The following TRAPPC9 variants were observed in gnomAD, a reference collection of about 807,000 sequenced individuals.
TRAPPC9 encodes trafficking protein particle complex subunit 9.
TRAPPC9 carries 83 observed loss-of-function variants against 124.0 expected under a neutral mutation model. The observed-to-expected ratio is 0.67, with a 90% CI of 0.56 to 0.80. The LOEUF (loss-of-function observed/expected upper bound fraction) is 0.80, where lower values mean the gene tolerates loss of function less well. Ranked by LOEUF, TRAPPC9 falls within the 30% of genes least tolerant of loss-of-function variation. The pLI, the probability that TRAPPC9 is intolerant of heterozygous loss-of-function variation, is 0.00. For missense variants in TRAPPC9, 1,302 were observed against 1,508.3 expected (o/e 0.86, Z 2.27); for synonymous variants, 638 against 617.5 (o/e 1.03, Z -0.49).
chr8:140,352,045 T>G (rs2067599779), intron 9 of TRAPPC9, among the ~76,000 whole-genome samples: 1 of 151,994 alleles, frequency 6.6e-6, no homozygotes, highest in Non-Finnish European at 1.5e-5. Flanking sequence ...ATTCCCCCAG[T>G]CCTAAGAAAG....
At chr8:139,963,749 C>CAAAAAA (rs58224556) in intron 19 of TRAPPC9, among the ~76,000 whole-genome samples, 11 of 107,346 alleles carry the variant, frequency 1.0e-4, no homozygotes, top group South Asian at 3.3e-4. Flanking sequence ...CCAGTTCTAC[C>CAAAAAA]AAAAAAAAAA....
intron 18 of TRAPPC9, among the ~76,000 whole-genome samples, chr8:139,991,431 C>G (rs188382828): frequency 6.6e-6 from 1 of 152,136 alleles, no homozygotes; most frequent in Non-Finnish European, 1.5e-5. Flanking sequence ...GGCTTCCTAT[C>G]TGTGAATAAG....
At position 139,870,749 on chromosome 8, in the gene TRAPPC9, C is replaced by A. The variant is rs144240110; in HGVS notation, c.3055+15130G>T. Among the ~76,000 whole-genome samples the A allele has an allele frequency of 5.3e-5, 8 of 152,304 alleles. No individual in the cohort carries two copies. The East Asian group carries it at 1.5e-3, about 29-fold the overall frequency. Reference sequence around the variant, plus strand: ...CAACCAGAAATGGGACAACAGCAGCCCATGGGGAGAGGATCAGGGTTAAGG... The same window carrying A: ...CAACCAGAAATGGGACAACAGCAGCACATGGGGAGAGGATCAGGGTTAAGG... On this transcript the variant is annotated intron_variant, in intron 21 of 22. Coordinates refer to ENST00000438773, the MANE Select transcript of TRAPPC9 (RefSeq NM_001160372.4).
chr8:139,729,749 C>A lies in TRAPPC9; in HGVS notation c.*1312G>T, dbSNP rs1817713089. On this transcript the variant is annotated 3_prime_UTR_variant, in exon 23 of 23. Transcript: ENST00000438773. Reference sequence around the variant, plus strand: ...CTCAGCCCCGCAGGCCTCCTGATGCCAACATGACTCTGCCCCATGGGAGGC... The same window carrying A: ...CTCAGCCCCGCAGGCCTCCTGATGCAAACATGACTCTGCCCCATGGGAGGC... Among the ~76,000 whole-genome samples, 1 of 152,236 alleles carries A rather than the reference C, an allele frequency of 6.6e-6. No individual in the cohort carries two copies. The highest frequency in any genetic ancestry group is 1.5e-5 in the Non-Finnish European group (1 of 68,046).
chr8:140,091,358 A>G (rs948225548), intron 17 of TRAPPC9, among the ~76,000 whole-genome samples: 2 of 152,186 alleles, frequency 1.3e-5, no homozygotes, highest in African/African-American at 4.8e-5. Context: ...AATGTGCAAG[A>G]AAGACTGGCA....
intron 18 of TRAPPC9, among the ~76,000 whole-genome samples, chr8:140,001,225 C>T (rs1234240453): frequency 2.0e-5 from 3 of 152,008 alleles, no homozygotes; most frequent in Non-Finnish European, 4.4e-5. Flanking sequence ...CACACCAGGG[C>T]CTGTCACGCA....
At chr8:140,159,134 C>A (rs1436213987) in intron 17 of TRAPPC9, among the ~76,000 whole-genome samples, 2 of 152,204 alleles carry the variant, frequency 1.3e-5, no homozygotes, top group African/African-American at 2.4e-5. Flanking sequence ...AGTAACCTCC[C>A]CCGCCCGCCG....
At chr8:139,934,999 G>T (rs1366266273) in intron 19 of TRAPPC9, among the ~76,000 whole-genome samples, 2 of 152,166 alleles carry the variant, frequency 1.3e-5, no homozygotes, top group African/African-American at 2.4e-5. Flanking sequence ...CAGAGTCTCT[G>T]GTACATCACA....
intron 7 of TRAPPC9, among the ~76,000 whole-genome samples, chr8:140,385,914 C>T (rs888987498): frequency 6.6e-6 from 1 of 152,112 alleles, no homozygotes; most frequent in African/African-American, 2.4e-5. Flanking sequence ...TGCAAAAATC[C>T]TCAATAAAAT....
At chr8:139,854,874 C>G (rs1827705377) in intron 21 of TRAPPC9, among the ~76,000 whole-genome samples, 1 of 152,172 alleles carries the variant, frequency 6.6e-6, no homozygotes, top group Non-Finnish European at 1.5e-5. Context: ...GCCTGGGAAG[C>G]ACACTGGCCT....
chr8:140,105,101 C>A (rs1429149832), intron 17 of TRAPPC9, among the ~76,000 whole-genome samples: 1 of 152,170 alleles, frequency 6.6e-6, no homozygotes. Context: ...CCTCTTCTAC[C>A]CTCCCCCAGG....
At chr8:139,888,996 C>A (rs764396500) in intron 20 of TRAPPC9, among the ~76,000 whole-genome samples, 4 of 152,166 alleles carry the variant, frequency 2.6e-5, no homozygotes, top group African/African-American at 7.2e-5. Flanking sequence ...ATTTGCAAAC[C>A]CACGTTCACT....
At chr8:140,212,229 G>A (rs2063078038) in intron 17 of TRAPPC9, among the ~76,000 whole-genome samples, 1 of 152,224 alleles carries the variant, frequency 6.6e-6, no homozygotes, top group South Asian at 2.1e-4. Context: ...GCTGCCCAGG[G>A]CTGGTAGATG....
At chr8:140,291,473 A>G (rs1357233488) in intron 11 of TRAPPC9, among the ~76,000 whole-genome samples, 1 of 152,146 alleles carries the variant, frequency 6.6e-6, no homozygotes, top group Non-Finnish European at 1.5e-5. Flanking sequence ...CTATTCCCCT[A>G]AGATTGTGAG....
intron 21 of TRAPPC9, among the ~76,000 whole-genome samples, chr8:139,833,117 G>T (rs1826098219): frequency 6.6e-6 from 1 of 152,140 alleles, no homozygotes; most frequent in African/African-American, 2.4e-5. Flanking sequence ...TGGGGCCTCG[G>T]TCCTACAGCC....
At chr8:139,937,793 G>A (rs555482690) in intron 19 of TRAPPC9, among the ~76,000 whole-genome samples, 5 of 152,262 alleles carry the variant, frequency 3.3e-5, no homozygotes, top group East Asian at 1.9e-4. Flanking sequence ...GTTTCTAATC[G>A]CGTTAAACAT....
chr8:139,987,444 G>A (rs1166247754), intron 19 of TRAPPC9, among the ~76,000 whole-genome samples: 1 of 152,146 alleles, frequency 6.6e-6, no homozygotes, highest in Non-Finnish European at 1.5e-5. Flanking sequence ...AGTGTCTCAT[G>A]CTGTCTCATC....
At chr8:139,969,662 G>A (rs1296183626) in intron 19 of TRAPPC9, among the ~76,000 whole-genome samples, 3 of 152,218 alleles carry the variant, frequency 2.0e-5, no homozygotes, top group Non-Finnish European at 4.4e-5. Context: ...GAGCACAAAG[G>A]TGTCAGCAAA....
At chr8:139,968,168 A>C (rs1396559519) in intron 19 of TRAPPC9, among the ~76,000 whole-genome samples, 1 of 151,818 alleles carries the variant, frequency 6.6e-6, no homozygotes, top group Non-Finnish European at 1.5e-5. Context: ...ACCAAAAAAC[A>C]AAACAAAATA....
Sources: gnomAD v4.1 joint callset for allele counts (sites outside exome capture counted in the v4.1 genomes callset) on GRCh38, gnomAD v4.1.1 for gene constraint, MANE v1.5 for transcripts, NCBI Gene and HGNC (gene_info 2026-07-23, HGNC 2026-07-21) for gene names.